The following HEXA variants were observed in gnomAD, a reference collection of about 807,000 sequenced individuals.
The protein encoded by HEXA is beta-hexosaminidase subunit alpha.
In HEXA, 54 loss-of-function variants were observed where a neutral mutation model predicts 73.3. The ratio of observed to expected loss-of-function variants is 0.74; its 90% confidence interval spans 0.59 to 0.92. The LOEUF (loss-of-function observed/expected upper bound fraction) is 0.92, where lower values mean the gene tolerates loss of function less well. Ranked by LOEUF, HEXA falls within the 40% of genes least tolerant of loss-of-function variation. The pLI is 0.00. For missense variants in HEXA, 649 were observed against 653.0 expected (o/e 0.99, Z 0.07); for synonymous variants, 230 against 246.9 (o/e 0.93, Z 0.64).
chr15:72,373,149 A>T (rs1031708874), intron 1 of HEXA, among the ~76,000 whole-genome samples: 3 of 152,178 alleles, frequency 2.0e-5, no homozygotes, highest in African/African-American at 7.2e-5. Context: ...AAAAACAAAC[A>T]AACAAACAAA....
At chr15:72,346,462 C>T (rs987672900) in intron 11 of HEXA, 65 bp downstream of exon 11, 2 of 1,559,902 alleles carry the variant, frequency 1.3e-6, no homozygotes, top group African/African-American at 1.4e-5. Flanking sequence ...CCAGACCTTC[C>T]TGCCTCCCAT....
At chr15:72,351,293 C>T (rs2088692520) in intron 5 of HEXA, 59 bp from the exon 6 acceptor site, 8 of 1,206,408 alleles carry the variant, frequency 6.6e-6, no homozygotes, top group Non-Finnish European at 9.9e-6. Flanking sequence ...CAGCCTCAAA[C>T]TTGCGATGTT....
At chr15:72,356,432 G>A in intron 2 of HEXA, 93 bp downstream of exon 2, 11 of 1,393,546 alleles carry the variant, frequency 7.9e-6, no homozygotes, top group Non-Finnish European at 1.1e-5. Context: ...GGGGACTCCA[G>A]GCCGAGCATC....
intron 5 of HEXA, among the ~76,000 whole-genome samples, chr15:72,352,559 A>T (rs2088713652): frequency 6.6e-6 from 1 of 151,988 alleles, no homozygotes; most frequent in Admixed American, 6.6e-5. Context: ...CTGAACATTG[A>T]TCTACAGTAG....
chr15:72,354,825 G>C (rs2140327595), intron 3 of HEXA: 1 of 152,574 alleles, frequency 6.6e-6, no homozygotes, highest in Non-Finnish European at 1.5e-5. Context: ...CTGTATCTAG[G>C]CACCAAATGC....
chr15:72,357,035 C>T, intron 1 of HEXA: 1 of 309,704 alleles, frequency 3.2e-6, no homozygotes, highest in Non-Finnish European at 6.4e-6. Context: ...ATATAGAAAA[C>T]TTATATGAAG....
chr15:72,345,932 C>T, intron 12 of HEXA: 1 of 536,994 alleles, frequency 1.9e-6, no homozygotes, highest in Non-Finnish European at 3.4e-6. Flanking sequence ...TTACAGGAAT[C>T]ATGGATGCTT....
rs371435283 is a variant in HEXA at position 72,346,511 on chromosome 15, A to C, written c.1330+16T>G. 32 of 1,612,340 alleles carry C rather than the reference A, an allele frequency of 2.0e-5. No homozygotes were observed. The African/African-American group carries it at 3.3e-4, about 17-fold the overall frequency. On this transcript the variant is annotated intron_variant, in intron 11 of 13. Transcript: ENST00000268097. ...CCAGCCTCCTTTGGTTAGCAAGGAG[A>C]GCTCTCTGCTTTCACCTTCAAATGC...
In HEXA at chr15:72,353,686, C is replaced by A; in HGVS notation, c.459+5G>T. 1 of 1,609,450 alleles carries A rather than the reference C, an allele frequency of 6.2e-7. No homozygotes were observed. Among genetic ancestry groups the A allele is most frequent in the Non-Finnish European group, 8.5e-7 (1 of 1,175,734 alleles). ...AAGGAGCCCTTTTTGAGGGTCCACA[C>A]TTACTGTGCCCTCAGCAGATTTCCA... On this transcript the variant is annotated splice_donor_5th_base_variant and intron_variant, in intron 4 of 13. Coordinates refer to ENST00000268097, the MANE Select transcript of HEXA (RefSeq NM_000520.6).
intron 1 of HEXA, among the ~76,000 whole-genome samples, chr15:72,365,244 C>T (rs907176646): frequency 3.3e-5 from 5 of 152,178 alleles, no homozygotes; most frequent in African/African-American, 1.2e-4. Context: ...CGCACGCCAC[C>T]GTGCCCGGCT....
chr15:72,354,118 T>C lies in HEXA; in HGVS notation c.413-381A>G, dbSNP rs557388971. 5.0e-5 allele frequency: 12 copies of C among 240,976 alleles called. No individual in the cohort carries two copies. In the East Asian group the frequency reaches 1.0e-3, roughly 20 times the overall value. The allele number at this position is 240,976 out of a possible 1,614,324, so 14.9% of individuals were successfully genotyped here. A position where few individuals can be genotyped will look rare whatever the true frequency, so the allele number is the denominator to read the frequency against. ...CAGCCTGCAAGAGTTGGACTTTTCA[T>C]GGATAACCCCTATCAGGAGCTAAGA... On this transcript the variant is annotated intron_variant, in intron 3 of 13. Coordinates refer to ENST00000268097, the MANE Select transcript of HEXA (RefSeq NM_000520.6).
chr15:72,344,715 A>G (rs542588477), intron 13 of HEXA, among the ~76,000 whole-genome samples: 1 of 152,332 alleles, frequency 6.6e-6, no homozygotes, highest in South Asian at 2.1e-4. Context: ...AGTGAATGAC[A>G]TAATTGAGGC....
In HEXA at chr15:72,342,746, A is replaced by G. The variant is rs1209534371; in HGVS notation, c.*1331T>C. 1.3e-5 allele frequency: 2 copies of G among 152,230 alleles called. No individual in the cohort carries two copies. The highest frequency in any genetic ancestry group is 2.9e-5 in the Non-Finnish European group (2 of 68,082). 9.4% of individuals were successfully genotyped at this position (152,230 alleles called of 1,614,324 possible). The stretch of plus-strand genomic sequence containing the variant: ...GGGAGGAGGGGGATGGAAGTCGCCT[A>G]CGTTATTTTGGAATTGACCAGGGCC... On this transcript the variant is annotated 3_prime_UTR_variant, in exon 14 of 14. Transcript: ENST00000268097.
At chr15:72,360,874 G>T (rs1022144793) in intron 1 of HEXA, among the ~76,000 whole-genome samples, 3 of 152,176 alleles carry the variant, frequency 2.0e-5, no homozygotes, top group African/African-American at 7.2e-5. Flanking sequence ...AAGGTTAAAT[G>T]AGTTAATACA....
chr15:72,375,610 G>C (rs1316232184), intron 1 of HEXA, 110 bp downstream of exon 1: 6 of 1,240,074 alleles, frequency 4.8e-6, no homozygotes, highest in Non-Finnish European at 6.9e-6. Context: ...GAGTGCCTGT[G>C]ATCAGAGGGC....
chr15:72,344,914 G>A (rs1184727463), intron 13 of HEXA, among the ~76,000 whole-genome samples: 5 of 152,214 alleles, frequency 3.3e-5, no homozygotes, highest in Admixed American at 3.3e-4. Context: ...GCTTCTTAGT[G>A]ACTTTGGGCA....
At chr15:72,355,882 G>A in intron 2 of HEXA, 1 of 562,896 alleles carries the variant, frequency 1.8e-6, no homozygotes, top group South Asian at 1.5e-5. Context: ...TCAGGCTGGA[G>A]TGGAGGTCTG....
Position 72,346,235 on chromosome 15 carries a change from CAG to C in HEXA, c.1419_1420del (p.Trp474AlafsTer18), listed in dbSNP as rs987921756. ...CCACCTCCCCCCCGAAAACCCTTAC[CAG>C]AGCCTGGGGACCAGGTTTGTGTTGT... On this transcript the variant is annotated frameshift_variant and splice_region_variant, in exon 12 of 14. Coordinates refer to ENST00000268097, the MANE Select transcript of HEXA (RefSeq NM_000520.6). LOFTEE classifies it high-confidence loss of function. 6.2e-7 allele frequency: 1 copy of C among 1,612,718 alleles called. No individual in the cohort carries two copies. The highest frequency in any genetic ancestry group is 1.3e-5 in the African/African-American group (1 of 74,860).
intron 4 of HEXA, 144 bp downstream of exon 4, chr15:72,353,547 C>T (rs939006279): frequency 1.4e-6 from 1 of 716,338 alleles, no homozygotes. Flanking sequence ...ACCAGTTTTC[C>T]ACTCACATCT....
Sources: gnomAD v4.1 joint callset for allele counts (sites outside exome capture counted in the v4.1 genomes callset) on GRCh38, gnomAD v4.1.1 for gene constraint, MANE v1.5 for transcripts, NCBI Gene and HGNC (gene_info 2026-07-23, HGNC 2026-07-21) for gene names.